Variants in NELL1 observed in about 807,000 individuals in gnomAD.
NELL1 encodes protein kinase C-binding protein NELL1.
Under a neutral mutation model 107.4 loss-of-function variants are expected in NELL1, and 76 were observed. That is an observed-to-expected ratio of 0.71 (90% CI 0.59 to 0.86). NELL1 has a LOEUF of 0.86. Among genes scored for constraint, NELL1 ranks in the 40% least tolerant of loss-of-function variants. The pLI, the probability that NELL1 is intolerant of heterozygous loss-of-function variation, is 0.00. For synonymous variants in NELL1, 353 were observed against 341.2 expected, an observed-to-expected ratio of 1.03 and a Z score of -0.38; for missense variants, 1,024 against 1,005.5, an observed-to-expected ratio of 1.02 and a Z score of -0.25.
chr11:21,563,114 A>G (rs1055354995), intron 17 of NELL1, among the ~76,000 whole-genome samples: 4 of 152,014 alleles, frequency 2.6e-5, no homozygotes, highest in African/African-American at 9.7e-5. Context: ...CATTATTTAG[A>G]CCACAGGAAC....
At chr11:21,372,660 C>T (rs1301086086) in intron 15 of NELL1, among the ~76,000 whole-genome samples, 1 of 151,594 alleles carries the variant, frequency 6.6e-6, no homozygotes, top group Non-Finnish European at 1.5e-5. Context: ...ATTCTTGGGC[C>T]ACCTCTCCAA....
intron 16 of NELL1, among the ~76,000 whole-genome samples, chr11:21,547,574 C>A (rs180853575): frequency 1.3e-5 from 2 of 151,970 alleles, no homozygotes; most frequent in Admixed American, 6.6e-5. Context: ...TTTAATATGA[C>A]ACATAATTAC....
At chr11:21,121,045 T>C (rs1410038629) in intron 13 of NELL1, among the ~76,000 whole-genome samples, 1 of 152,164 alleles carries the variant, frequency 6.6e-6, no homozygotes, top group African/African-American at 2.4e-5. Context: ...ATCTGGGATC[T>C]ATCCCCAGAG....
intron 16 of NELL1, among the ~76,000 whole-genome samples, chr11:21,535,984 G>A (rs889791012): frequency 1.3e-5 from 2 of 152,090 alleles, no homozygotes; most frequent in African/African-American, 2.4e-5. Context: ...CATTAAGCAT[G>A]GTGGCTAAAA....
At chr11:20,846,852 C>T (rs2134056390) in intron 3 of NELL1, among the ~76,000 whole-genome samples, 1 of 152,272 alleles carries the variant, frequency 6.6e-6, no homozygotes, top group African/African-American at 2.4e-5. Context: ...AAAGTACTAG[C>T]CCTGTTGTGT....
chr11:20,710,287 T>C (rs947732799), intron 2 of NELL1, among the ~76,000 whole-genome samples: 4 of 152,226 alleles, frequency 2.6e-5, no homozygotes, highest in African/African-American at 9.6e-5. Flanking sequence ...TCAAATGCTT[T>C]TTCTGCATGT....
At chr11:21,562,058 C>T (rs1249637153) in intron 17 of NELL1, among the ~76,000 whole-genome samples, 1 of 151,978 alleles carries the variant, frequency 6.6e-6, no homozygotes, top group Non-Finnish European at 1.5e-5. Flanking sequence ...CCTTTTTGGG[C>T]TTTCTAGGTC....
chr11:20,678,081 G>A (rs765707191), intron 2 of NELL1, 21 bp downstream of exon 2: 2 of 1,613,698 alleles, frequency 1.2e-6, no homozygotes, highest in Non-Finnish European at 1.7e-6. Flanking sequence ...CTCCTTTCTT[G>A]CATGGTGGCA....
chr11:20,836,602 T>C (rs1024259790), intron 3 of NELL1, among the ~76,000 whole-genome samples: 8 of 142,006 alleles, frequency 5.6e-5, no homozygotes, highest in African/African-American at 2.0e-4. Context: ...GATTAAGCCA[T>C]GCAAAGACAC....
chr11:20,978,512 T>G (rs10833422), intron 12 of NELL1, among the ~76,000 whole-genome samples: 25,479 of 152,108 alleles, frequency 0.17, 2,459 homozygotes, highest in Middle Eastern at 0.28. Context: ...ATATTTACTC[T>G]CTTTATGGGT....
intron 15 of NELL1, among the ~76,000 whole-genome samples, chr11:21,476,407 G>A (rs76658200): frequency 0.059 from 8,938 of 152,134 alleles, 555 homozygotes; most frequent in East Asian, 0.16. Flanking sequence ...TGGACCTCTA[G>A]AAAGACACAC....
chr11:21,217,959 G>A (rs1355526616), intron 13 of NELL1, among the ~76,000 whole-genome samples: 1 of 152,172 alleles, frequency 6.6e-6, no homozygotes, highest in African/African-American at 2.4e-5. Flanking sequence ...GACAGGAAAT[G>A]AGAAGGAAGA....
intron 15 of NELL1, among the ~76,000 whole-genome samples, chr11:21,418,019 G>T (rs761881849): frequency 1.3e-5 from 2 of 151,990 alleles, no homozygotes; most frequent in African/African-American, 2.4e-5. Flanking sequence ...CTGGCTAAAT[G>T]AATCCTCAAA....
chr11:21,409,079 G>A (rs1007745617), intron 15 of NELL1, among the ~76,000 whole-genome samples: 2 of 151,940 alleles, frequency 1.3e-5, no homozygotes, highest in African/African-American at 4.8e-5. Context: ...TCCCATTACT[G>A]GGCATATACC....
intron 12 of NELL1, chr11:21,000,974 C>T (rs1056296559): frequency 2.6e-5 from 4 of 152,158 alleles, no homozygotes; most frequent in African/African-American, 7.2e-5. Flanking sequence ...GATACTCCCC[C>T]ATTCCAAACT....
chr11:21,426,267 G>A (rs1214445148), intron 15 of NELL1, among the ~76,000 whole-genome samples: 1 of 152,198 alleles, frequency 6.6e-6, no homozygotes, highest in Non-Finnish European at 1.5e-5. Context: ...TCAGTAGCAT[G>A]TGGTTGGCAC....
chr11:21,450,914 G>C (rs888609084), intron 15 of NELL1, among the ~76,000 whole-genome samples: 1 of 151,958 alleles, frequency 6.6e-6, no homozygotes, highest in African/African-American at 2.4e-5. Context: ...GGGCAGGCCG[G>C]GTGCGGTGGC....
intron 5 of NELL1, among the ~76,000 whole-genome samples, chr11:20,908,946 A>C (rs1295121034): frequency 6.6e-6 from 1 of 152,214 alleles, no homozygotes; most frequent in Non-Finnish European, 1.5e-5. Flanking sequence ...CCCATGTATG[A>C]ATGGATAAAG....
At chr11:21,326,072 T>TTC (rs1850129269) in intron 14 of NELL1, among the ~76,000 whole-genome samples, 1 of 88,076 alleles carries the variant, frequency 1.1e-5, no homozygotes, top group African/African-American at 4.2e-5. Flanking sequence ...TTTTTTTTTT[T>TTC]TTTTTTTTTG....
Sources: allele counts gnomAD v4.1 joint callset (sites outside exome capture counted in the v4.1 genomes callset), GRCh38; gene constraint gnomAD v4.1.1; transcripts MANE v1.5; gene names NCBI Gene and HGNC (gene_info 2026-07-23, HGNC 2026-07-21).